Variants in CACNA2D3 observed in about 807,000 individuals in gnomAD.
CACNA2D3 encodes the protein voltage-dependent calcium channel subunit alpha-2/delta-3.
A neutral mutation model predicts 160.6 loss-of-function variants in CACNA2D3; 60 were observed. That is an observed-to-expected ratio of 0.37 (90% CI 0.30 to 0.46). The LOEUF is 0.46. CACNA2D3 is among the 20% of genes least tolerant of loss of function. The pLI is 1.00. For missense variants in CACNA2D3, 1,205 were observed against 1,365.0 expected (o/e 0.88, Z 1.85); for synonymous variants, 558 against 492.9 (o/e 1.13, Z -1.75).
chr3:54,805,400 A>G (rs1454338389), intron 13 of CACNA2D3, among the ~76,000 whole-genome samples: 1 of 152,220 alleles, frequency 6.6e-6, no homozygotes. Flanking sequence ...AATACAAACT[A>G]CCATCAGAGA....
chr3:55,072,566 A>AAATCT (rs1198992328), intron 35 of CACNA2D3, among the ~76,000 whole-genome samples: 3 of 152,382 alleles, frequency 2.0e-5, no homozygotes, highest in African/African-American at 7.2e-5. Context: ...TGTTAAGTTA[A>AAATCT]AATCTATTAA....
In CACNA2D3 at chr3:54,688,979, C is replaced by CAAAAAAAA. The variant is rs1162900126; in HGVS notation, c.1167+46763_1167+46770dup. On this transcript the variant is annotated intron_variant, in intron 11 of 37. Transcript: ENST00000474759. ...CCTGGGAGACAGTGTGAGACTGTCT[C>CAAAAAAAA]AAAAAAAAAAAAAAAAAAAAAAAAA... is the stretch of plus-strand genomic sequence containing the variant. 2.2e-4 allele frequency among the ~76,000 whole-genome samples: 7 copies of CAAAAAAAA among 31,440 alleles called. 1 individual carries two copies. The highest frequency in any genetic ancestry group is 5.6e-3 in the East Asian group (2 of 358). 20.6% of individuals were successfully genotyped at this position (31,440 alleles called of 152,430 possible). A position where few individuals can be genotyped will look rare whatever the true frequency, so the allele number is the denominator to read the frequency against.
At chr3:54,870,495 G>A (rs918533825) in intron 17 of CACNA2D3, among the ~76,000 whole-genome samples, 3 of 152,070 alleles carry the variant, frequency 2.0e-5, no homozygotes, top group Admixed American at 6.5e-5. Context: ...CGTGTAAAGG[G>A]GTTGCTAATC....
At chr3:54,187,935 G>A (rs1287118985) in intron 2 of CACNA2D3, among the ~76,000 whole-genome samples, 5 of 152,062 alleles carry the variant, frequency 3.3e-5, no homozygotes, top group African/African-American at 7.3e-5. Context: ...CCGTGGTCCG[G>A]GGGTTGGGTG....
intron 2 of CACNA2D3, among the ~76,000 whole-genome samples, chr3:54,234,187 C>T (rs754940305): frequency 5.1e-4 from 78 of 152,156 alleles, no homozygotes; most frequent in Non-Finnish European, 1.0e-3. Context: ...TAAAAAGTGG[C>T]GTGAACAGAC....
At chr3:54,723,646 T>G (rs647480) in intron 11 of CACNA2D3, among the ~76,000 whole-genome samples, 1 of 152,110 alleles carries the variant, frequency 6.6e-6, no homozygotes, top group African/African-American at 2.4e-5. Flanking sequence ...GAAAATTCTC[T>G]GACGCCTTGC....
intron 12 of CACNA2D3, among the ~76,000 whole-genome samples, chr3:54,763,653 A>ATATG (rs1185670520): frequency 1.4e-5 from 2 of 140,714 alleles, no homozygotes; most frequent in East Asian, 4.2e-4. Flanking sequence ...GTGTATATAT[A>ATATG]TGTGTGTGTG....
intron 35 of CACNA2D3, among the ~76,000 whole-genome samples, chr3:55,025,200 T>C (rs1703540766): frequency 6.6e-6 from 1 of 152,178 alleles, no homozygotes; most frequent in Non-Finnish European, 1.5e-5. Context: ...GAAATGCAGT[T>C]GGATTAAAGA....
At chr3:54,703,264 T>C (rs1457500251) in intron 11 of CACNA2D3, among the ~76,000 whole-genome samples, 1 of 152,042 alleles carries the variant, frequency 6.6e-6, no homozygotes, top group Non-Finnish European at 1.5e-5. Flanking sequence ...GATAAAAAAA[T>C]AAATAAAAGT....
At chr3:54,411,290 G>A (rs576319064) in intron 4 of CACNA2D3, among the ~76,000 whole-genome samples, 2 of 152,330 alleles carry the variant, frequency 1.3e-5, no homozygotes, top group Admixed American at 6.5e-5. Flanking sequence ...TCCAGTTTTC[G>A]AAGTTCTGCT....
intron 31 of CACNA2D3, among the ~76,000 whole-genome samples, chr3:54,992,620 A>G (rs530155027): frequency 1.1e-3 from 163 of 152,074 alleles, no homozygotes; most frequent in African/African-American, 3.7e-3. Context: ...TAGAGGGAAG[A>G]GCCCCCAGCC....
At chr3:54,944,701 G>T (rs957023211) in intron 27 of CACNA2D3, among the ~76,000 whole-genome samples, 1 of 151,882 alleles carries the variant, frequency 6.6e-6, no homozygotes, top group African/African-American at 2.4e-5. Flanking sequence ...GATTACAGGC[G>T]TGAGCCACCG....
chr3:54,327,216 G>C (rs1340784238), intron 3 of CACNA2D3, among the ~76,000 whole-genome samples: 1 of 152,216 alleles, frequency 6.6e-6, no homozygotes, highest in Non-Finnish European at 1.5e-5. Context: ...AAGCCCAGAA[G>C]ACTGCTGTCC....
intron 11 of CACNA2D3, among the ~76,000 whole-genome samples, chr3:54,677,640 TACTC>T (rs1700268405): frequency 6.6e-6 from 1 of 151,742 alleles, no homozygotes; most frequent in Non-Finnish European, 1.5e-5. Flanking sequence ...GCAACGTACT[TACTC>T]GTCTAGTCTC....
At chr3:54,647,747 A>G (rs911458090) in intron 11 of CACNA2D3, among the ~76,000 whole-genome samples, 3 of 152,264 alleles carry the variant, frequency 2.0e-5, no homozygotes, top group Non-Finnish European at 4.4e-5. Context: ...GTGAGTTGGA[A>G]GAAGGAATGC....
chr3:54,686,751 T>C (rs890837364), intron 11 of CACNA2D3, among the ~76,000 whole-genome samples: 2 of 152,146 alleles, frequency 1.3e-5, no homozygotes, highest in African/African-American at 2.4e-5. Context: ...CATAGCTCTG[T>C]GAAGATGGCT....
chr3:54,791,500 T>C (rs1702757291), intron 13 of CACNA2D3, among the ~76,000 whole-genome samples: 2 of 152,220 alleles, frequency 1.3e-5, no homozygotes, highest in South Asian at 4.1e-4. Context: ...AAAAATTAAT[T>C]ATTTATGACT....
chr3:54,785,435 T>G (rs1446087555), intron 13 of CACNA2D3, among the ~76,000 whole-genome samples: 1 of 152,194 alleles, frequency 6.6e-6, no homozygotes, highest in African/African-American at 2.4e-5. Flanking sequence ...TGTGCATGTC[T>G]TATTATTTCA....
At chr3:54,631,197 C>T (rs971191837) in intron 10 of CACNA2D3, among the ~76,000 whole-genome samples, 1 of 136,244 alleles carries the variant, frequency 7.3e-6, no homozygotes, top group African/African-American at 2.8e-5. Context: ...GAGCGAGACT[C>T]CATCAAACAC....
Sources: allele counts gnomAD v4.1 joint callset (sites outside exome capture counted in the v4.1 genomes callset), GRCh38; gene constraint gnomAD v4.1.1; transcripts MANE v1.5; gene names NCBI Gene and HGNC (gene_info 2026-07-23, HGNC 2026-07-21).